EML5: variants seen among roughly 807,000 people sequenced by gnomAD.
The protein encoded by EML5 is EMAP like 5, also known as echinoderm microtubule-associated protein-like 5.
EML5 carries 120 observed loss-of-function variants against 250.0 expected under a neutral mutation model. That is an observed-to-expected ratio of 0.48 (90% CI 0.41 to 0.56). EML5 has a LOEUF of 0.56. Among genes scored for constraint, EML5 ranks in the 20% least tolerant of loss-of-function variants. The pLI is 0.00. For missense variants in EML5, 2,006 were observed against 2,437.6 expected, an observed-to-expected ratio of 0.82 and a Z score of 3.73; for synonymous variants, 771 against 806.5, an observed-to-expected ratio of 0.96 and a Z score of 0.75.
chr14:88,766,427 G>C (rs1029377492), intron 1 of EML5, among the ~76,000 whole-genome samples: 2 of 152,274 alleles, frequency 1.3e-5, no homozygotes, highest in South Asian at 4.1e-4. Context: ...GGGAATGTCT[G>C]TCTTTTACAG....
intron 10 of EML5, among the ~76,000 whole-genome samples, chr14:88,708,519 A>G (rs947216312): frequency 4.6e-5 from 7 of 152,294 alleles, no homozygotes; most frequent in South Asian, 4.1e-4. Flanking sequence ...AGCAAAGATT[A>G]TATTTCCTTT....
intron 8 of EML5, among the ~76,000 whole-genome samples, chr14:88,720,217 G>A (rs1306512552): frequency 6.6e-6 from 1 of 152,076 alleles, no homozygotes; most frequent in East Asian, 1.9e-4. Context: ...ATACAAAGAG[G>A]AGCAGATACC....
chr14:88,729,565 G>T (rs10147037), intron 7 of EML5, among the ~76,000 whole-genome samples: 101,230 of 150,750 alleles, frequency 0.67, 35,719 homozygotes, highest in East Asian at 0.98. Context: ...TTGGTTTTTT[G>T]TTTTTTGTTT....
chr14:88,691,982 G>C (rs1229414796), intron 17 of EML5, among the ~76,000 whole-genome samples: 1 of 152,148 alleles, frequency 6.6e-6, no homozygotes, highest in African/African-American at 2.4e-5. Context: ...CAAATTCATA[G>C]TTCTTTTCCA....
rs547149788 is a variant in EML5 at position 88,745,045 on chromosome 14, C to T, written c.457-954G>A. Among the ~76,000 whole-genome samples the T allele has an allele frequency of 2.0e-4, 31 of 152,134 alleles. No homozygotes were observed. In the East Asian group the frequency reaches 3.3e-3, roughly 16 times the overall value. The stretch of plus-strand genomic sequence containing the variant: ...CCATTGACAGTGTCATATTTTGTAA[C>T]GGGTCTATTTATATAAATTCCAAAT... On this transcript the variant is annotated intron_variant, in intron 3 of 43. Transcript: ENST00000554922.
intron 12 of EML5, among the ~76,000 whole-genome samples, 171 bp downstream of exon 12, chr14:88,705,310 TA>T (rs891042001): frequency 9.2e-5 from 14 of 152,152 alleles, no homozygotes; most frequent in East Asian, 3.9e-4. Context: ...GCATTTAATA[TA>T]AAAAAAATTT....
chr14:88,638,804 C>T lies in EML5; in HGVS notation c.4336+5G>A, dbSNP rs1365910995. The stretch of plus-strand genomic sequence containing the variant: ...ATTGTTTCTTTTTAAAATACAGAAA[C>T]ATACCTACTTGGCCAGTTGCCACTA... On this transcript the variant is annotated splice_donor_5th_base_variant and intron_variant, in intron 32 of 43. Transcript: ENST00000554922. 2 of 1,567,724 alleles carry T rather than the reference C, an allele frequency of 1.3e-6. No homozygotes were observed. The highest frequency in any genetic ancestry group is 1.7e-6 in the Non-Finnish European group (2 of 1,154,416).
chr14:88,712,885 G>C (rs2093428584), intron 9 of EML5, among the ~76,000 whole-genome samples: 1 of 152,146 alleles, frequency 6.6e-6, no homozygotes, highest in Admixed American at 6.5e-5. Flanking sequence ...TGAGGAAAAA[G>C]AGAGAACTGG....
intron 2 of EML5, 141 bp from the exon 3 acceptor site, chr14:88,746,424 A>G: frequency 3.1e-6 from 2 of 642,238 alleles, no homozygotes; most frequent in Middle Eastern, 2.6e-4. Flanking sequence ...TAGACCTCAT[A>G]AAGGCTGAAT....
At chr14:88,770,984 A>G (rs75120200) in intron 1 of EML5, among the ~76,000 whole-genome samples, 2,084 of 152,338 alleles carry the variant, frequency 0.014, 29 homozygotes, top group Middle Eastern at 0.031. Flanking sequence ...CCACAATTAC[A>G]TATTAAGTTG....
At chr14:88,640,261 ATC>A (rs1169967901) in intron 31 of EML5, among the ~76,000 whole-genome samples, 1 of 152,214 alleles carries the variant, frequency 6.6e-6, no homozygotes, top group African/African-American at 2.4e-5. Context: ...CATTCTTCTC[ATC>A]TGCACATGAA....
intron 1 of EML5, among the ~76,000 whole-genome samples, chr14:88,789,497 G>C (rs2094585189): frequency 6.6e-6 from 1 of 150,920 alleles, no homozygotes; most frequent in African/African-American, 2.4e-5. Context: ...GCAATCCCAG[G>C]TGATAATAAA....
In EML5 at chr14:88,702,569, A is replaced by G. The variant is rs1316147210; in HGVS notation, c.2115T>C (p.His705=). ...TATAAATGACACCCACTGCTGCCACATGGTACACAATTTCACCAATTTGAG... is the reference window on the plus strand; with the variant it reads ...TATAAATGACACCCACTGCTGCCACGTGGTACACAATTTCACCAATTTGAG... The part of the protein sequence containing the change: ...FYTQIGEIVY[H]VAAVGVIYNR... The change falls in exon 14 of 44, where the codon CAT becomes CAC. Residue 705 remains histidine (H), a synonymous_variant. Coordinates refer to ENST00000554922, the MANE Select transcript of EML5 (RefSeq NM_183387.3). 4.3e-6 allele frequency: 7 copies of G among 1,612,550 alleles called. No homozygotes were observed. The highest frequency in any genetic ancestry group is 2.2e-5 in the East Asian group (1 of 44,820).
chr14:88,637,973 C>A (rs973538392), intron 32 of EML5, among the ~76,000 whole-genome samples: 4 of 152,026 alleles, frequency 2.6e-5, no homozygotes, highest in Middle Eastern at 3.2e-3. Flanking sequence ...GCAACCCAGA[C>A]AACAAATTCC....
intron 17 of EML5, among the ~76,000 whole-genome samples, chr14:88,692,274 G>T (rs1430053972): frequency 7.2e-5 from 11 of 152,116 alleles, no homozygotes; most frequent in East Asian, 3.9e-4. Context: ...TTACTCAGGA[G>T]GCTGAGGCAG....
intron 6 of EML5, 125 bp from the exon 7 acceptor site, chr14:88,736,690 T>C (rs1291131097): frequency 2.3e-6 from 2 of 874,408 alleles, no homozygotes; most frequent in Admixed American, 5.4e-5. Context: ...CTAAGACAGT[T>C]TAAAGCCTGA....
At chr14:88,629,080 A>G (rs552542665) in intron 33 of EML5, among the ~76,000 whole-genome samples, 84 of 152,204 alleles carry the variant, frequency 5.5e-4, no homozygotes, top group African/African-American at 2.0e-3. Flanking sequence ...TAGGTGGCTT[A>G]AATTTAAAAT....
At position 88,658,321 on chromosome 14, in the gene EML5, T is replaced by C; in HGVS notation, c.3743A>G (p.Tyr1248Cys). The C allele has an allele frequency of 6.2e-7, 1 of 1,613,906 alleles. No individual in the cohort carries two copies. Among genetic ancestry groups the C allele is most frequent in the Non-Finnish European group, 8.5e-7 (1 of 1,179,818 alleles). ...STHVTNVRWT[Y>C]DDSMLVTLGG... ...TAGGGTAACCAACATGCTGTCATCA[T>C]AAGTCCAGCGAACATTTGTGACATG... Residue 1248 changes from tyrosine (Y) to cysteine (C), a missense_variant, in exon 26 of 44, where the codon TAT becomes TGT. Transcript: ENST00000554922.
intron 29 of EML5, among the ~76,000 whole-genome samples, chr14:88,646,537 ACTGT>A (rs1377858637): frequency 6.6e-5 from 10 of 152,136 alleles, no homozygotes; most frequent in Non-Finnish European, 1.5e-4. Flanking sequence ...ATTCTATGTT[ACTGT>A]CTGACAGCTT....
Sources: gnomAD v4.1 joint callset for allele counts (sites outside exome capture counted in the v4.1 genomes callset) on GRCh38, gnomAD v4.1.1 for gene constraint, MANE v1.5 for transcripts, NCBI Gene and HGNC (gene_info 2026-07-23, HGNC 2026-07-21) for gene names.